PRDM16: variants seen among roughly 807,000 people sequenced by gnomAD.
PRDM16 encodes histone-lysine N-methyltransferase PRDM16.
A neutral mutation model predicts 110.6 loss-of-function variants in PRDM16; 23 were observed. That is an observed-to-expected ratio of 0.21 (90% CI 0.15 to 0.29). PRDM16 has a LOEUF of 0.29. Ranked by LOEUF, PRDM16 falls within the 10% of genes least tolerant of loss-of-function variation. PRDM16 has a pLI of 1.00. For missense variants in PRDM16, 1,615 were observed against 1,794.3 expected (o/e 0.90, Z 1.81); for synonymous variants, 799 against 781.8 (o/e 1.02, Z -0.37).
At chr1:3,079,882 C>T (rs1010176049) in intron 1 of PRDM16, among the ~76,000 whole-genome samples, 2 of 152,214 alleles carry the variant, frequency 1.3e-5, no homozygotes, top group East Asian at 1.9e-4. Context: ...TCAGCAACAT[C>T]GCACACTTCC....
At chr1:3,200,479 A>T (rs1192921079) in intron 2 of PRDM16, among the ~76,000 whole-genome samples, 1 of 152,156 alleles carries the variant, frequency 6.6e-6, no homozygotes, top group East Asian at 1.9e-4. Context: ...AGTAGCTGGG[A>T]CTACAGGCGC....
rs756587962 is a variant in PRDM16 at position 3,385,305 on chromosome 1, C to G, written c.573+19C>G. ...TGAGCAGGTAGGTCCGGGCTCATAA[C>G]AGGGGCTTCTGCCTCTTGGAATTGT... On this transcript the variant is annotated intron_variant, in intron 4 of 16. Transcript: ENST00000270722. The G allele has an allele frequency of 1.9e-6, 3 of 1,612,702 alleles. No individual in the cohort carries two copies. In the South Asian group the frequency reaches 3.3e-5, roughly 18 times the overall value.
chr1:3,231,598 G>A (rs888680656), intron 2 of PRDM16, among the ~76,000 whole-genome samples: 3 of 152,226 alleles, frequency 2.0e-5, no homozygotes, highest in African/African-American at 7.2e-5. Flanking sequence ...GTCCTTCCCA[G>A]CTCTGTGAAA....
chr1:3,106,925 G>T (rs1165070356), intron 1 of PRDM16, among the ~76,000 whole-genome samples: 1 of 152,214 alleles, frequency 6.6e-6, no homozygotes. Context: ...GGGGCCAACA[G>T]AGCCCTGCCA....
chr1:3,114,978 C>G (rs568723865), intron 1 of PRDM16, among the ~76,000 whole-genome samples: 7 of 152,392 alleles, frequency 4.6e-5, no homozygotes, highest in African/African-American at 1.7e-4. Flanking sequence ...CGCCCCTGGG[C>G]CCACCCCACC....
At chr1:3,401,141 C>A (rs996079806) in intron 5 of PRDM16, among the ~76,000 whole-genome samples, 1 of 152,194 alleles carries the variant, frequency 6.6e-6, no homozygotes, top group South Asian at 2.1e-4. Context: ...CCCTTAGGCT[C>A]AGGGAAGCTT....
Position 3,367,233 on chromosome 1 carries a change from C to G in PRDM16, c.439-17919C>G, listed in dbSNP as rs1569582399. Among the ~76,000 whole-genome samples, 2 of 152,114 alleles carry G rather than the reference C, an allele frequency of 1.3e-5. 1 individual carries two copies. Among genetic ancestry groups the G allele is most frequent in the South Asian group, 4.1e-4 (2 of 4,820 alleles). ...GCAGCGAGCCGAGATGGCACCATTGCACTCCAGCCTGGCCTGGGCAACAAG... is the reference window on the plus strand; with the variant it reads ...GCAGCGAGCCGAGATGGCACCATTGGACTCCAGCCTGGCCTGGGCAACAAG... On this transcript the variant is annotated intron_variant, in intron 3 of 16. Coordinates refer to ENST00000270722, the MANE Select transcript of PRDM16 (RefSeq NM_022114.4).
At chr1:3,299,684 G>T (rs1445380665) in intron 3 of PRDM16, among the ~76,000 whole-genome samples, 1 of 129,538 alleles carries the variant, frequency 7.7e-6, no homozygotes, top group Non-Finnish European at 1.6e-5. Flanking sequence ...TCCGATCCCA[G>T]TCGTGGTGAC....
chr1:3,329,542 T>C (rs1641999604), intron 3 of PRDM16, among the ~76,000 whole-genome samples: 1 of 152,172 alleles, frequency 6.6e-6, no homozygotes, highest in Admixed American at 6.5e-5. Context: ...GGGCACACTC[T>C]CTAGAGGCGT....
chr1:3,419,920 G>C (rs1638382356), intron 12 of PRDM16, among the ~76,000 whole-genome samples: 1 of 150,978 alleles, frequency 6.6e-6, no homozygotes, highest in East Asian at 2.0e-4. Flanking sequence ...CCAATTCACA[G>C]GCCCCCCCTT....
intron 3 of PRDM16, chr1:3,310,024 G>A (rs1014064129): frequency 4.6e-5 from 7 of 152,252 alleles, no homozygotes; most frequent in African/African-American, 1.4e-4. Context: ...GCCTTACCCA[G>A]TGGGCATGCC....
At chr1:3,217,704 G>A (rs573628504) in intron 2 of PRDM16, among the ~76,000 whole-genome samples, 45 of 152,322 alleles carry the variant, frequency 3.0e-4, no homozygotes, top group African/African-American at 1.0e-3. Context: ...TCCCCGTGCC[G>A]TGCATCCCGG....
At chr1:3,324,376 G>T (rs56354021) in intron 3 of PRDM16, among the ~76,000 whole-genome samples, 1 of 152,104 alleles carries the variant, frequency 6.6e-6, no homozygotes, top group African/African-American at 2.4e-5. Flanking sequence ...GCCCTCAAAA[G>T]ACTTCCTAAA....
chr1:3,278,537 C>T (rs2100317801), intron 3 of PRDM16, among the ~76,000 whole-genome samples: 1 of 152,338 alleles, frequency 6.6e-6, no homozygotes, highest in South Asian at 2.1e-4. Flanking sequence ...AGCGCAGTCA[C>T]TAGCAAATGG....
intron 5 of PRDM16, among the ~76,000 whole-genome samples, chr1:3,399,705 C>A (rs1006162906): frequency 2.6e-5 from 4 of 152,218 alleles, no homozygotes; most frequent in Non-Finnish European, 5.9e-5. Context: ...ATTTTCATCC[C>A]AAATTCTAAA....
At chr1:3,113,214 A>G (rs1642834786) in intron 1 of PRDM16, among the ~76,000 whole-genome samples, 1 of 152,196 alleles carries the variant, frequency 6.6e-6, no homozygotes, top group Non-Finnish European at 1.5e-5. Context: ...GTTCTCCCCC[A>G]AGCTCTGGTC....
At chr1:3,116,736 C>T (rs1481657304) in intron 1 of PRDM16, among the ~76,000 whole-genome samples, 1 of 152,244 alleles carries the variant, frequency 6.6e-6, no homozygotes, top group Non-Finnish European at 1.5e-5. Flanking sequence ...TGGCCACACC[C>T]TTGCTCTTGC....
chr1:3,083,055 G>C (rs2100581739), intron 1 of PRDM16, among the ~76,000 whole-genome samples: 1 of 152,302 alleles, frequency 6.6e-6, no homozygotes, highest in African/African-American at 2.4e-5. Flanking sequence ...TGCTATTATT[G>C]TCCTTAGGAT....
At chr1:3,248,592 G>A (rs2100209998) in intron 3 of PRDM16, among the ~76,000 whole-genome samples, 1 of 152,302 alleles carries the variant, frequency 6.6e-6, no homozygotes, top group Non-Finnish European at 1.5e-5. Flanking sequence ...TTAGAGGAGG[G>A]TCAAAAATAA....
Sources: gnomAD v4.1 joint callset for allele counts (sites outside exome capture counted in the v4.1 genomes callset) on GRCh38, gnomAD v4.1.1 for gene constraint, MANE v1.5 for transcripts, NCBI Gene and HGNC (gene_info 2026-07-23, HGNC 2026-07-21) for gene names.